Variants in SEPTIN6 observed in about 807,000 individuals in gnomAD.
SEPTIN6 encodes the protein septin 6.
Under a neutral mutation model 33.6 loss-of-function variants are expected in SEPTIN6, and 8 were observed. The ratio of observed to expected loss-of-function variants is 0.24; its 90% CI spans 0.14 to 0.43. The LOEUF (loss-of-function observed/expected upper bound fraction) is 0.43, where lower values mean the gene tolerates loss of function less well. Ranked by LOEUF, SEPTIN6 falls within the 20% of genes least tolerant of loss-of-function variation. The pLI, the probability that SEPTIN6 is intolerant of heterozygous loss-of-function variation, is 1.00. For missense variants in SEPTIN6, 250 were observed against 340.8 expected (o/e 0.73, Z 2.10); for synonymous variants, 131 against 140.0 (o/e 0.94, Z 0.45).
At chrX:119,662,708 ACT>A (rs2147579301) in intron 3 of SEPTIN6, among the ~76,000 whole-genome samples, 1 of 111,855 alleles carries the variant, frequency 8.9e-6, no homozygotes, top group East Asian at 2.8e-4. Flanking sequence ...AATCTGAAAG[ACT>A]CTCTGAGGAA....
chrX:119,659,063 A>C (rs779616411), intron 3 of SEPTIN6, among the ~76,000 whole-genome samples: 21 of 112,347 alleles, frequency 1.9e-4, no homozygotes, highest in Middle Eastern at 4.6e-3. Flanking sequence ...CTACCCCCAA[A>C]GTTATAAAAA....
At position 119,630,687 on chromosome X, in the gene SEPTIN6, G is replaced by A. The variant is rs1359231498; in HGVS notation, c.1090-1179C>T. ...CAAGGTGGGTGGCATAAGGTCAGGA[G>A]TTCTAGACCAGCATGGCCAACATGG... On this transcript the variant is annotated intron_variant, in intron 8 of 10. Coordinates refer to ENST00000394610, the MANE Select transcript of SEPTIN6 (RefSeq NM_145799.4). Among the ~76,000 whole-genome samples the A allele has an allele frequency of 4.5e-5, 5 of 111,499 alleles. No individual in the cohort carries two copies. In the Admixed American group the frequency reaches 4.8e-4, roughly 11 times the overall value.
At chrX:119,655,046 T>C (rs1406976579) in intron 3 of SEPTIN6, among the ~76,000 whole-genome samples, 1 of 110,941 alleles carries the variant, frequency 9.0e-6, no homozygotes, top group Non-Finnish European at 1.9e-5. Flanking sequence ...TTTTACTTCA[T>C]TTTTTGCTTT....
At chrX:119,667,555 G>A (rs1387313308) in intron 2 of SEPTIN6, among the ~76,000 whole-genome samples, 3 of 111,450 alleles carry the variant, frequency 2.7e-5, no homozygotes, top group African/African-American at 9.8e-5. Context: ...TATGGCTATC[G>A]AGAGCTCCTG....
intron 1 of SEPTIN6, among the ~76,000 whole-genome samples, chrX:119,676,444 A>G (rs1166802100): frequency 9.8e-6 from 1 of 101,540 alleles, no homozygotes; most frequent in East Asian, 3.1e-4. Flanking sequence ...AGCCTGGGCA[A>G]TAAGAGCGAA....
chrX:119,645,757 C>T (rs2054245256), intron 5 of SEPTIN6, among the ~76,000 whole-genome samples: 1 of 111,219 alleles, frequency 9.0e-6, no homozygotes, highest in African/African-American at 3.3e-5. Flanking sequence ...GTCTCGATCT[C>T]TTGACCTTGT....
intron 5 of SEPTIN6, among the ~76,000 whole-genome samples, chrX:119,649,237 C>T (rs1422993209): frequency 8.7e-5 from 9 of 102,916 alleles, no homozygotes; most frequent in African/African-American, 2.9e-4. Flanking sequence ...GGATTATAGG[C>T]GCACACCACC....
chrX:119,625,252 G>C, intron 10 of SEPTIN6, 83 bp downstream of exon 10: 1 of 635,903 alleles, frequency 1.6e-6, no homozygotes, highest in South Asian at 2.5e-5. Context: ...TCTACGATTA[G>C]ATGCTTGTGT....
At chrX:119,640,965 G>A (rs771193037) in intron 5 of SEPTIN6, among the ~76,000 whole-genome samples, 177 bp from the exon 6 acceptor site, 1 of 112,567 alleles carries the variant, frequency 8.9e-6, no homozygotes, top group Non-Finnish European at 1.9e-5. Flanking sequence ...AAGAGGCCTA[G>A]TCCAAGCCTC....
At chrX:119,635,198 T>G (rs779561912) in intron 7 of SEPTIN6, 11 of 317,707 alleles carry the variant, frequency 3.5e-5, no homozygotes, top group Non-Finnish European at 6.2e-5. Flanking sequence ...ACAGGGAATG[T>G]TGGAGACACA....
chrX:119,644,993 C>G (rs1464210971), intron 5 of SEPTIN6, among the ~76,000 whole-genome samples: 1 of 106,062 alleles, frequency 9.4e-6, no homozygotes, highest in Admixed American at 1.0e-4. Flanking sequence ...CTGCAACCTC[C>G]GCCTCCCGGG....
At chrX:119,640,339 A>C (rs1433021499) in intron 6 of SEPTIN6, among the ~76,000 whole-genome samples, 1 of 110,888 alleles carries the variant, frequency 9.0e-6, no homozygotes. Context: ...ATTTTAAAGA[A>C]TATCTGAATT....
chrX:119,659,385 C>T (rs2054502316), intron 3 of SEPTIN6, among the ~76,000 whole-genome samples: 1 of 111,757 alleles, frequency 8.9e-6, no homozygotes, highest in South Asian at 3.7e-4. Context: ...CTTCCACCCA[C>T]AGTTCCCCTC....
downstream of SEPTIN6, chrX:119,616,411 A>G (rs1193766237): frequency 2.4e-6 from 1 of 425,414 alleles, no homozygotes; most frequent in Non-Finnish European, 4.3e-6. Flanking sequence ...TGCCCCAGTC[A>G]CTTACACTTG....
intron 6 of SEPTIN6, among the ~76,000 whole-genome samples, chrX:119,637,554 CATCT>C (rs1335567912): frequency 4.7e-5 from 5 of 106,923 alleles, no homozygotes; most frequent in East Asian, 5.8e-4. Context: ...TCCATCCATC[CATCT>C]ATCCATCCAT....
intron 3 of SEPTIN6, among the ~76,000 whole-genome samples, chrX:119,655,616 G>A (rs969809888): frequency 5.4e-5 from 6 of 111,253 alleles, no homozygotes; most frequent in Non-Finnish European, 1.1e-4. Context: ...CTTTCTTCTA[G>A]CTCTTGATTC....
intron 3 of SEPTIN6, 24 bp downstream of exon 3, chrX:119,663,458 A>ACCCCCC: frequency 1.4e-6 from 1 of 730,701 alleles, no homozygotes; most frequent in South Asian, 2.6e-5. Flanking sequence ...TCCCCACCCT[A>ACCCCCC]CCCCACCCCA....
In SEPTIN6 at chrX:119,629,502, C is replaced by T. The variant is rs767841172; in HGVS notation, c.1096G>A (p.Glu366Lys). 8.3e-7 allele frequency: 1 copy of T among 1,210,350 alleles called. No individual in the cohort carries two copies. Among genetic ancestry groups the T allele is most frequent in the East Asian group, 3.0e-5 (1 of 33,823 alleles). The change falls in exon 9 of 11, where the codon GAG becomes AAG. Residue 366 changes from glutamate to lysine, a missense_variant. Transcript: ENST00000394610. ...ELKEAEKELH[E>K]KFDRLKKLHQ... ...AGTTTCTTCAGACGGTCAAACTTCT[C>T]GTGCAGCTGGCAGGGAAGCACAGGG...
At chrX:119,620,460 A>G (rs1363694608) in intron 10 of SEPTIN6, among the ~76,000 whole-genome samples, 1 of 107,254 alleles carries the variant, frequency 9.3e-6, no homozygotes, top group Non-Finnish European at 1.9e-5. Context: ...CTGGGACTAC[A>G]GGAGCCCGCC....
Sources: gnomAD v4.1 joint callset for allele counts (sites outside exome capture counted in the v4.1 genomes callset) on GRCh38, gnomAD v4.1.1 for gene constraint, MANE v1.5 for transcripts, NCBI Gene and HGNC (gene_info 2026-07-23, HGNC 2026-07-21) for gene names.